Variants in CLEC4F observed in about 807,000 individuals in gnomAD.
CLEC4F encodes C-type lectin domain family 4 member F.
A neutral mutation model predicts 53.4 loss-of-function variants in CLEC4F; 45 were observed. That is an observed-to-expected ratio of 0.84 (90% CI 0.66 to 1.08). The LOEUF is 1.08. CLEC4F is among the 50% of genes least tolerant of loss of function. CLEC4F has a pLI of 0.00. For missense variants in CLEC4F, 753 were observed against 698.2 expected, an observed-to-expected ratio of 1.08 and a Z score of -0.88; for synonymous variants, 245 against 257.5, an observed-to-expected ratio of 0.95 and a Z score of 0.46.
chr2:70,821,747 C>A (rs1299288942), upstream of CLEC4F, among the ~76,000 whole-genome samples: 1 of 152,128 alleles, frequency 6.6e-6, no homozygotes, highest in African/African-American at 2.4e-5. Context: ...GAGACAGGGT[C>A]TCCCTCTGTC....
Position 70,816,154 on chromosome 2 carries a change from C to T in CLEC4F, c.1227G>A (p.Met409Ile). ...NASALTSQTQ[M>I]LDSNLQKASA... Reference sequence around the variant, plus strand: ...TGGCCTTCTGCAGATTGCTGTCTAACATCTGGGTCTGGGAAGTTAAGGCTG... The same window carrying T: ...TGGCCTTCTGCAGATTGCTGTCTAATATCTGGGTCTGGGAAGTTAAGGCTG... The change falls in exon 4 of 7, where the codon ATG (methionine) becomes ATA (isoleucine). Residue 409 changes from methionine (M) to isoleucine (I), a missense_variant. Physicochemically the swap from Met to Ile is conservative, Grantham distance 10. Transcript: ENST00000272367. The T allele has an allele frequency of 6.2e-7, 1 of 1,614,204 alleles. No individual in the cohort carries two copies. Among genetic ancestry groups the T allele is most frequent in the South Asian group, 1.1e-5 (1 of 91,082 alleles).
intron 4 of CLEC4F, among the ~76,000 whole-genome samples, chr2:70,815,686 G>T (rs2104654602): frequency 6.6e-6 from 1 of 152,278 alleles, no homozygotes; most frequent in Non-Finnish European, 1.5e-5. Context: ...CATACCATTT[G>T]GGGTATCAGG....
chr2:70,809,315 T>C lies in CLEC4F; in HGVS notation c.1726A>G (p.Ser576Gly). ...GGACAGGGAGGGGTGTCTATGAAGC[T>C]GCAAGCTCCCATCCCAGAATTCACA... Reference protein sequence around the residue: ...IIVNSGMGACSFIDTPPCPWI... With the variant: ...IIVNSGMGACGFIDTPPCPWI... The change falls in exon 7 of 7, where the codon AGC (serine) becomes GGC (glycine). Residue 576 changes from serine to glycine, a missense_variant. Transcript: ENST00000272367. 6.2e-7 allele frequency: 1 copy of C among 1,613,978 alleles called. No individual in the cohort carries two copies. Among genetic ancestry groups the C allele is most frequent in the Non-Finnish European group, 8.5e-7 (1 of 1,179,966 alleles).
chr2:70,809,917 A>T, intron 5 of CLEC4F, 60 bp from the exon 6 acceptor site: 1 of 992,544 alleles, frequency 1.0e-6, no homozygotes, highest in Non-Finnish European at 1.6e-6. Context: ...TTTCCAGGCC[A>T]CCTGGAGAAC....
intron 4 of CLEC4F, among the ~76,000 whole-genome samples, chr2:70,815,081 G>A (rs1272066574): frequency 6.6e-6 from 1 of 152,140 alleles, no homozygotes; most frequent in Admixed American, 6.5e-5. Context: ...TGCCCACCAA[G>A]CCCTCATTTG....
chr2:70,815,506 C>A (rs1676843060), intron 4 of CLEC4F, among the ~76,000 whole-genome samples: 1 of 152,240 alleles, frequency 6.6e-6, no homozygotes, highest in Non-Finnish European at 1.5e-5. Context: ...TTACCCAGCA[C>A]ACCACTGGGC....
At chr2:70,813,837 C>T (rs1194874216) in intron 4 of CLEC4F, among the ~76,000 whole-genome samples, 13 of 151,794 alleles carry the variant, frequency 8.6e-5, no homozygotes, top group Non-Finnish European at 1.6e-4. Flanking sequence ...CCACCATGCC[C>T]GGATATTTTT....
intron 3 of CLEC4F, among the ~76,000 whole-genome samples, chr2:70,818,742 G>A (rs1408881594): frequency 6.6e-6 from 1 of 151,288 alleles, no homozygotes; most frequent in African/African-American, 2.4e-5. Context: ...ACTAAAAACT[G>A]TACAATTTCC....
chr2:70,820,042 T>C (rs1677151280), intron 1 of CLEC4F, 151 bp from the exon 2 acceptor site: 1 of 562,042 alleles, frequency 1.8e-6, no homozygotes, highest in Non-Finnish European at 3.1e-6. Flanking sequence ...CAGGTGGTTA[T>C]GGAGAAGGAA....
In CLEC4F at chr2:70,809,303, T is replaced by C. The variant is rs1676406039; in HGVS notation, c.1738A>G (p.Thr580Ala). The change falls in exon 7 of 7, where the codon ACC becomes GCC. Residue 580 changes from threonine to alanine, a missense_variant. By Grantham distance (58) the Thr-to-Ala change is moderately conservative. Transcript: ENST00000272367. ...SGMGACSFIDTPPCPWILSN is the reference protein window; with the variant it reads ...SGMGACSFIDAPPCPWILSN ...CTGAGGATCCAGGGACAGGGAGGGG[T>C]GTCTATGAAGCTGCAAGCTCCCATC... is the stretch of plus-strand genomic sequence containing the variant. 6.2e-7 allele frequency: 1 copy of C among 1,613,648 alleles called. No individual in the cohort carries two copies. The highest frequency in any genetic ancestry group is 8.5e-7 in the Non-Finnish European group (1 of 1,179,898).
chr2:70,824,251 A>G (rs13389680), upstream of CLEC4F, among the ~76,000 whole-genome samples: 91,215 of 151,216 alleles, frequency 0.6, 27,980 homozygotes, highest in Middle Eastern at 0.7. Flanking sequence ...ATACAGCAAC[A>G]ACAATTCAAC....
rs1676615523 is a variant in CLEC4F, at chr2:70,812,343, A to G, written c.1539+104T>C. Reference sequence around the variant, plus strand: ...TTGCTCCCTGCCTGGCAGAGGAGACATGGAGGTCTCCGTCATACCCACTGA... The same window carrying G: ...TTGCTCCCTGCCTGGCAGAGGAGACGTGGAGGTCTCCGTCATACCCACTGA... On this transcript the variant is annotated intron_variant, in intron 5 of 6. Transcript: ENST00000272367. 3 of 1,244,656 alleles carry G rather than the reference A, an allele frequency of 2.4e-6. No individual in the cohort carries two copies. In the East Asian group the frequency reaches 7.1e-5, roughly 30 times the overall value. The allele number at this position is 1,244,656 out of a possible 1,614,324, so 77.1% of individuals were successfully genotyped here. A position where few individuals can be genotyped will look rare whatever the true frequency, so the allele number is the denominator to read the frequency against.
rs1553393298 is a variant in CLEC4F, at chr2:70,808,869, G to A, written c.*402C>T. The A allele has an allele frequency of 1.0e-5, 6 of 582,510 alleles. No homozygotes were observed. The highest frequency in any genetic ancestry group is 2.9e-5 in the East Asian group (1 of 34,830). The allele number at this position is 582,510 out of a possible 1,614,324, so 36.1% of individuals were successfully genotyped here. On this transcript the variant is annotated 3_prime_UTR_variant, in exon 7 of 7. Coordinates refer to ENST00000272367, the MANE Select transcript of CLEC4F (RefSeq NM_173535.3). ...CAAGCAGAGCTCAGAGGCTCCGAAG[G>A]CATCGAGGAGGAGGGTCAGTATTGG...
At chr2:70,812,726 G>T in intron 4 of CLEC4F, 128 bp from the exon 5 acceptor site, 1 of 945,170 alleles carries the variant, frequency 1.1e-6, no homozygotes, top group Non-Finnish European at 1.6e-6. Context: ...GATGTGCAGT[G>T]CTCCAGGAGA....
In CLEC4F at chr2:70,817,015, C is replaced by T. The variant is rs1360739568; in HGVS notation, c.366G>A (p.Gln122=). The part of the protein sequence containing the change: ...ENSSAWVVEI[Q]MLKCRVDNVN... ...CATTGTCCACTCTGCACTTCAACAT[C>T]TGGATTTCTACTACCCAGGCACTGG... Residue 122 remains glutamine (Q), a synonymous_variant, in exon 4 of 7, where the codon CAG becomes CAA. Coordinates refer to ENST00000272367, the MANE Select transcript of CLEC4F (RefSeq NM_173535.3). 6.2e-7 allele frequency: 1 copy of T among 1,614,112 alleles called. No individual in the cohort carries two copies. Among genetic ancestry groups the T allele is most frequent in the Non-Finnish European group, 8.5e-7 (1 of 1,180,058 alleles).
At position 70,816,614 on chromosome 2, in the gene CLEC4F, A is replaced by T. The variant is rs1553396106; in HGVS notation, c.767T>A (p.Val256Asp). ...GACACTATCTAGATGGCCTCTCAAA[A>T]CATAGATCTCAGCATTAGCGTTCTT... ...SLKNANAEIYVLRGHLDSVND... is the reference protein window; with the variant it reads ...SLKNANAEIYDLRGHLDSVND... The change falls in exon 4 of 7, where the codon GTT becomes GAT. Residue 256 changes from valine to aspartate, a missense_variant. Transcript: ENST00000272367. The T allele has an allele frequency of 6.2e-7, 1 of 1,614,098 alleles. No individual in the cohort carries two copies. The highest frequency in any genetic ancestry group is 8.5e-7 in the Non-Finnish European group (1 of 1,180,032).
chr2:70,813,637 T>C (rs186049096), intron 4 of CLEC4F, among the ~76,000 whole-genome samples: 1 of 145,812 alleles, frequency 6.9e-6, no homozygotes, highest in African/African-American at 2.7e-5. Context: ...CTTTCTTTCT[T>C]TCTTTCGCTC....
Position 70,809,733 on chromosome 2 carries a change from A to T in CLEC4F, c.1658+6T>A. 2 of 1,609,250 alleles carry T rather than the reference A, an allele frequency of 1.2e-6. No homozygotes were observed. Among genetic ancestry groups the T allele is most frequent in the Non-Finnish European group, 1.7e-6 (2 of 1,175,686 alleles). ...TGGGACAGCGCCAGATGGTGGCTAG[A>T]CTCACGCTTTGTTCTGGGCGGCGTT... On this transcript the variant is annotated splice_donor_region_variant and intron_variant, in intron 6 of 6. Transcript: ENST00000272367.
At chr2:70,817,382 C>T (rs191432688) in intron 3 of CLEC4F, among the ~76,000 whole-genome samples, 166 of 152,356 alleles carry the variant, frequency 1.1e-3, no homozygotes, top group African/African-American at 3.8e-3. Flanking sequence ...TGTAAGCCAG[C>T]TGCCACCAGG....
Sources: allele counts gnomAD v4.1 joint callset (sites outside exome capture counted in the v4.1 genomes callset), GRCh38; gene constraint gnomAD v4.1.1; transcripts MANE v1.5; gene names NCBI Gene and HGNC (gene_info 2026-07-23, HGNC 2026-07-21).